The following KIAA1217 variants were observed in gnomAD, a reference collection of about 807,000 sequenced individuals.
The protein encoded by KIAA1217 is KIAA1217.
Under a neutral mutation model 163.9 loss-of-function variants are expected in KIAA1217, and 88 were observed. The ratio of observed to expected loss-of-function variants is 0.54; its 90% confidence interval spans 0.45 to 0.64. KIAA1217 has a LOEUF of 0.64. KIAA1217 is among the 30% of genes least tolerant of loss of function. The pLI is 0.00. For missense variants in KIAA1217, 2,372 were observed against 2,475.0 expected (o/e 0.96, Z 0.88); for synonymous variants, 903 against 923.1 (o/e 0.98, Z 0.39).
At chr10:24,350,829 G>GAA (rs11438441) in intron 2 of KIAA1217, among the ~76,000 whole-genome samples, 203 of 144,434 alleles carry the variant, frequency 1.4e-3, no homozygotes, top group African/African-American at 3.4e-3. Context: ...GTGAGTGAGA[G>GAA]AAAAAAAAAA....
At chr10:24,190,107 C>G (rs777610324) in intron 2 of KIAA1217, among the ~76,000 whole-genome samples, 1 of 151,872 alleles carries the variant, frequency 6.6e-6, no homozygotes, top group Non-Finnish European at 1.5e-5. Context: ...CTTAGCAAGG[C>G]CTGTTTGTTC....
intron 5 of KIAA1217, chr10:24,449,795 A>C: frequency 1.1e-6 from 1 of 948,608 alleles, no homozygotes; most frequent in Non-Finnish European, 1.3e-6. Context: ...ATAGGATATT[A>C]TCTTTAGAAT....
At chr10:24,048,555 C>A (rs1235354554) in intron 2 of KIAA1217, among the ~76,000 whole-genome samples, 3 of 151,706 alleles carry the variant, frequency 2.0e-5, no homozygotes, top group Non-Finnish European at 4.4e-5. Context: ...AAATGGTAAA[C>A]CCTGCCTCTA....
rs60419075 is a variant in KIAA1217 at position 24,439,650 on chromosome 10, CT to C, written c.846+1185del. On this transcript the variant is annotated intron_variant, in intron 5 of 20. Coordinates refer to ENST00000376454, the MANE Select transcript of KIAA1217 (RefSeq NM_019590.5). ...CTGGAGGCCCTAGGGAGAATCTTTT[CT>C]TTTTTTTTTTTTTCCCCCAACTTCT... Among the ~76,000 whole-genome samples, 1,151 of 142,846 alleles carry C rather than the reference CT, an allele frequency of 8.1e-3. 22 individuals carry two copies. Among genetic ancestry groups the C allele is most frequent in the Middle Eastern group, 0.018 (5 of 272 alleles). The allele number at this position is 142,846 out of a possible 152,430, so 93.7% of individuals were successfully genotyped here.
chr10:24,529,959 A>T (rs920500846), intron 14 of KIAA1217, among the ~76,000 whole-genome samples: 6 of 150,184 alleles, frequency 4.0e-5, no homozygotes, highest in Admixed American at 2.7e-4. Flanking sequence ...CACCACGCCT[A>T]GCTAATTTTT....
chr10:24,259,186 C>A (rs559037541), intron 2 of KIAA1217, among the ~76,000 whole-genome samples: 17 of 151,904 alleles, frequency 1.1e-4, no homozygotes, highest in African/African-American at 4.1e-4. Flanking sequence ...TGTTTGTGAG[C>A]GTGTCTACTC....
At chr10:24,178,443 C>T (rs2066010623) in intron 2 of KIAA1217, among the ~76,000 whole-genome samples, 1 of 152,190 alleles carries the variant, frequency 6.6e-6, no homozygotes, top group Admixed American at 6.5e-5. Flanking sequence ...AAAGCCAGGT[C>T]TTCTGAGGTG....
At chr10:24,165,873 C>T (rs1001970311) in intron 2 of KIAA1217, among the ~76,000 whole-genome samples, 1 of 152,084 alleles carries the variant, frequency 6.6e-6, no homozygotes, top group Non-Finnish European at 1.5e-5. Flanking sequence ...GTTCTTCAGG[C>T]ATTTGATTTA....
intron 1 of KIAA1217, among the ~76,000 whole-genome samples, chr10:23,744,059 G>A (rs1264286289): frequency 2.6e-5 from 4 of 152,140 alleles, no homozygotes; most frequent in Non-Finnish European, 5.9e-5. Context: ...CACGTAGAAG[G>A]GAAGCATCCA....
chr10:24,118,616 A>G (rs1345037862), intron 2 of KIAA1217, among the ~76,000 whole-genome samples: 1 of 152,216 alleles, frequency 6.6e-6, no homozygotes, highest in Non-Finnish European at 1.5e-5. Context: ...GACGCCTTCA[A>G]ACAGAGATAG....
chr10:24,413,004 G>A (rs764811133), intron 3 of KIAA1217, among the ~76,000 whole-genome samples: 44 of 152,102 alleles, frequency 2.9e-4, no homozygotes, highest in African/African-American at 8.7e-4. Flanking sequence ...CTCATCTTTC[G>A]ATCTCATTTC....
intron 1 of KIAA1217, among the ~76,000 whole-genome samples, chr10:23,778,156 G>A (rs1436086044): frequency 1.3e-5 from 2 of 152,178 alleles, no homozygotes; most frequent in Non-Finnish European, 2.9e-5. Context: ...GGTCAGGCTG[G>A]TCTTGAACTC....
chr10:24,129,645 C>A (rs144384178), intron 2 of KIAA1217, among the ~76,000 whole-genome samples: 61 of 152,176 alleles, frequency 4.0e-4, no homozygotes, highest in African/African-American at 1.3e-3. Context: ...ACCTCCCTAC[C>A]ATATGACTCT....
At chr10:23,799,375 A>G (rs769748352) in intron 1 of KIAA1217, among the ~76,000 whole-genome samples, 32 of 152,198 alleles carry the variant, frequency 2.1e-4, no homozygotes, top group Non-Finnish European at 3.5e-4. Context: ...GGATCATGTA[A>G]GATAATGTTT....
At chr10:23,892,620 G>A (rs886157245) in intron 1 of KIAA1217, among the ~76,000 whole-genome samples, 7 of 151,822 alleles carry the variant, frequency 4.6e-5, no homozygotes, top group African/African-American at 1.7e-4. Flanking sequence ...ATTTCCTCCA[G>A]GGAGGAGAAA....
chr10:24,000,301 G>A (rs539748003), intron 1 of KIAA1217, among the ~76,000 whole-genome samples: 1 of 152,144 alleles, frequency 6.6e-6, no homozygotes. Context: ...ATCATGGGGG[G>A]CAGTTACCCT....
chr10:24,259,044 G>A (rs2075461120), intron 2 of KIAA1217, among the ~76,000 whole-genome samples: 3 of 152,178 alleles, frequency 2.0e-5, no homozygotes, highest in African/African-American at 7.2e-5. Flanking sequence ...GGCACAAGGA[G>A]AGAGGTTAAG....
At chr10:24,416,868 G>A (rs961218862) in intron 3 of KIAA1217, among the ~76,000 whole-genome samples, 3 of 152,132 alleles carry the variant, frequency 2.0e-5, no homozygotes, top group Admixed American at 2.0e-4. Context: ...TCACCCCTCA[G>A]TGTGAGGGGT....
At chr10:24,116,500 C>G (rs1158459721) in intron 2 of KIAA1217, among the ~76,000 whole-genome samples, 1 of 152,074 alleles carries the variant, frequency 6.6e-6, no homozygotes, top group Non-Finnish European at 1.5e-5. Flanking sequence ...AAAATATTTG[C>G]TATCTGTTCC....
Sources: gnomAD v4.1 joint callset for allele counts (sites outside exome capture counted in the v4.1 genomes callset) on GRCh38, gnomAD v4.1.1 for gene constraint, MANE v1.5 for transcripts, NCBI Gene and HGNC (gene_info 2026-07-23, HGNC 2026-07-21) for gene names.